The following CNTN1 variants were observed in gnomAD, a reference collection of about 807,000 sequenced individuals.
CNTN1 encodes contactin 1.
In CNTN1, 38 loss-of-function variants were observed where a neutral mutation model predicts 126.4. The observed-to-expected ratio is 0.30, with a 90% confidence interval of 0.23 to 0.39. The LOEUF is 0.39. Ranked by LOEUF, CNTN1 falls within the 10% of genes least tolerant of loss-of-function variation. The probability of loss-of-function intolerance (pLI) is 1.00; values close to 1 mark genes in which losing one functional copy is unlikely to be tolerated. For synonymous variants in CNTN1, 413 were observed against 422.6 expected, an observed-to-expected ratio of 0.98 and a Z score of 0.28; for missense variants, 1,009 against 1,248.4, an observed-to-expected ratio of 0.81 and a Z score of 2.89.
chr12:40,904,219 T>C (rs777322832), intron 1 of CNTN1, among the ~76,000 whole-genome samples: 12 of 152,046 alleles, frequency 7.9e-5, no homozygotes, highest in South Asian at 4.1e-4. Context: ...GGGGTTTCAC[T>C]GTGTTAGCCA....
chr12:40,974,749 A>T (rs940127205), intron 15 of CNTN1, among the ~76,000 whole-genome samples: 1 of 152,050 alleles, frequency 6.6e-6, no homozygotes, highest in Non-Finnish European at 1.5e-5. Flanking sequence ...CTGTTTCCTC[A>T]CCTGTAAAAT....
chr12:40,740,160 G>T (rs1937875481), intron 1 of CNTN1, among the ~76,000 whole-genome samples: 1 of 145,588 alleles, frequency 6.9e-6, no homozygotes, highest in Non-Finnish European at 1.5e-5. Flanking sequence ...AATGAAACAT[G>T]TTATAAATCT....
intron 14 of CNTN1, among the ~76,000 whole-genome samples, chr12:40,947,820 CACACACACAT>C (rs1946492303): frequency 7.7e-6 from 1 of 129,868 alleles, no homozygotes; most frequent in African/African-American, 2.8e-5. Flanking sequence ...CACACACACA[CACACACACAT>C]ATGTATTACT....
chr12:40,935,938 A>G (rs948931121), intron 9 of CNTN1, among the ~76,000 whole-genome samples: 1 of 152,074 alleles, frequency 6.6e-6, no homozygotes, highest in African/African-American at 2.4e-5. Context: ...CTTTTGCCAT[A>G]AAATTAACAC....
chr12:40,755,190 C>CAA (rs557970110), intron 1 of CNTN1, among the ~76,000 whole-genome samples: 6 of 78,204 alleles, frequency 7.7e-5, no homozygotes, highest in Admixed American at 1.8e-4. Flanking sequence ...GACCCCACCT[C>CAA]AAAAAAAAAA....
chr12:40,811,883 A>G (rs902417696), intron 1 of CNTN1, among the ~76,000 whole-genome samples: 3 of 144,130 alleles, frequency 2.1e-5, no homozygotes, highest in East Asian at 2.0e-4. Flanking sequence ...TCCATTTTCT[A>G]TTTCACTTAT....
At chr12:40,950,877 T>A (rs1592309770) in intron 14 of CNTN1, among the ~76,000 whole-genome samples, 1 of 152,000 alleles carries the variant, frequency 6.6e-6, no homozygotes, top group Non-Finnish European at 1.5e-5. Context: ...TAGTCCTTAC[T>A]AAGCATTTGT....
chr12:40,806,558 T>G (rs1162793497), intron 1 of CNTN1, among the ~76,000 whole-genome samples: 1 of 152,120 alleles, frequency 6.6e-6, no homozygotes, highest in Non-Finnish European at 1.5e-5. Context: ...GGACCACCAG[T>G]GGGGGCTCTC....
chr12:41,040,043 G>A (rs983133408), intron 23 of CNTN1, among the ~76,000 whole-genome samples: 1 of 152,018 alleles, frequency 6.6e-6, no homozygotes, highest in African/African-American at 2.4e-5. Context: ...TCTAAGGCTT[G>A]TTCCCTCTGT....
At chr12:40,844,635 TCTTATAAAGATTGTGA>T (rs1942434084) in intron 1 of CNTN1, among the ~76,000 whole-genome samples, 1 of 152,174 alleles carries the variant, frequency 6.6e-6, no homozygotes, top group South Asian at 2.1e-4. Flanking sequence ...ACGGAAGAAG[TCTTATAAAGATTGTGA>T]CTAACCCTTT....
At chr12:40,863,936 C>CTCCA (rs1943203632) in intron 1 of CNTN1, among the ~76,000 whole-genome samples, 1 of 147,668 alleles carries the variant, frequency 6.8e-6, no homozygotes, top group African/African-American at 2.5e-5. Flanking sequence ...TCCTCCCTCC[C>CTCCA]TCCCTCCCTC....
chr12:40,868,415 G>C (rs1943372910), intron 1 of CNTN1, among the ~76,000 whole-genome samples: 1 of 152,128 alleles, frequency 6.6e-6, no homozygotes, highest in African/African-American at 2.4e-5. Context: ...GATTCAGGTT[G>C]AGTCAGTACT....
intron 1 of CNTN1, among the ~76,000 whole-genome samples, chr12:40,853,415 C>T (rs531569233): frequency 2.6e-5 from 4 of 152,184 alleles, no homozygotes; most frequent in African/African-American, 7.2e-5. Flanking sequence ...TTGAATGAAC[C>T]TTGCCCACAT....
At chr12:40,929,341 C>T (rs1945801495) in intron 6 of CNTN1, among the ~76,000 whole-genome samples, 3 of 148,660 alleles carry the variant, frequency 2.0e-5, no homozygotes, top group East Asian at 1.9e-4. Flanking sequence ...TAGGTGCACA[C>T]ACACACACAC....
intron 17 of CNTN1, among the ~76,000 whole-genome samples, chr12:41,010,408 T>C (rs1328019543): frequency 6.6e-6 from 1 of 152,204 alleles, no homozygotes; most frequent in African/African-American, 2.4e-5. Context: ...AACTAGCAGA[T>C]GTACCTCAGG....
At chr12:40,919,810 T>C (rs952184432) in intron 4 of CNTN1, among the ~76,000 whole-genome samples, 8 of 152,152 alleles carry the variant, frequency 5.3e-5, no homozygotes, top group Non-Finnish European at 1.2e-4. Context: ...CATGGAAATA[T>C]GATATAAGTA....
At chr12:40,942,683 A>T (rs951036748) in intron 12 of CNTN1, among the ~76,000 whole-genome samples, 17 of 152,112 alleles carry the variant, frequency 1.1e-4, no homozygotes, top group African/African-American at 3.9e-4. Context: ...ATCTTAAATA[A>T]TTACTTTTAT....
At chr12:40,806,157 A>G (rs1940847073) in intron 1 of CNTN1, among the ~76,000 whole-genome samples, 1 of 152,026 alleles carries the variant, frequency 6.6e-6, no homozygotes, top group South Asian at 2.1e-4. Context: ...TCTCAGCCTT[A>G]AAGAGCTCCT....
chr12:41,009,976 G>T (rs948320225), intron 17 of CNTN1, among the ~76,000 whole-genome samples: 13 of 152,126 alleles, frequency 8.5e-5, no homozygotes, highest in African/African-American at 3.1e-4. Context: ...GATTAAAAAA[G>T]CATGTGTCAA....
Sources: gnomAD v4.1 joint callset for allele counts (sites outside exome capture counted in the v4.1 genomes callset) on GRCh38, gnomAD v4.1.1 for gene constraint, MANE v1.5 for transcripts, NCBI Gene and HGNC (gene_info 2026-07-23, HGNC 2026-07-21) for gene names.